Variants in HERC5 observed in about 807,000 individuals in gnomAD.
HERC5 encodes HECT and RLD domain containing E3 ubiquitin protein ligase 5.
In HERC5, 99 loss-of-function variants were observed where a neutral mutation model predicts 119.6. That is an observed-to-expected ratio of 0.83 (90% confidence interval 0.70 to 0.98). The LOEUF is 0.98. Ranked by LOEUF, HERC5 falls within the 50% of genes least tolerant of loss-of-function variation. HERC5 has a pLI of 0.00. For missense variants in HERC5, 1,267 were observed against 1,241.3 expected (o/e 1.02, Z -0.31); for synonymous variants, 478 against 445.9 (o/e 1.07, Z -0.91).
chr4:88,487,965 A>T (rs1037996354), intron 15 of HERC5, among the ~76,000 whole-genome samples: 1 of 152,230 alleles, frequency 6.6e-6, no homozygotes, highest in African/African-American at 2.4e-5. Flanking sequence ...ATATGTATGT[A>T]TAATATTCAA....
chr4:88,467,527 T>C (rs2149090313), intron 7 of HERC5, among the ~76,000 whole-genome samples: 1 of 152,370 alleles, frequency 6.6e-6, no homozygotes, highest in Non-Finnish European at 1.5e-5. Context: ...CTAATTCTTG[T>C]AATTGGCTGG....
chr4:88,464,017 A>G (rs917104045), intron 6 of HERC5, 32 bp downstream of exon 6: 3 of 1,579,878 alleles, frequency 1.9e-6, no homozygotes, highest in Admixed American at 3.5e-5. Context: ...AGAATTGATA[A>G]AATGAGTGCA....
chr4:88,459,753 G>A (rs1484606551), intron 2 of HERC5, among the ~76,000 whole-genome samples: 2 of 151,820 alleles, frequency 1.3e-5, no homozygotes, highest in Admixed American at 6.6e-5. Context: ...TTAAATTTCT[G>A]GAAATAAAAG....
Position 88,479,355 on chromosome 4 carries a change from G to C in HERC5, c.1585G>C (p.Glu529Gln). The change falls in exon 13 of 23, where the codon GAG (glutamate) becomes CAG (glutamine). Residue 529 changes from glutamate to glutamine, a missense_variant and splice_region_variant. Physicochemically the swap from Glu to Gln is conservative, Grantham distance 29. This residue lies in a region of HERC5 where 777 missense variants were observed against 758.0 expected (regional missense o/e 1.03). Coordinates refer to ENST00000264350, the MANE Select transcript of HERC5 (RefSeq NM_016323.4). ...MSDQSSLVLE[E>Q]YWATLQESTF... is the part of the protein sequence containing the mutation. ...TTTGCTTTCCTTGTGTTCCTCAGAA[G>C]AGTATTGGGCAACTCTGCAAGAATC... is the stretch of plus-strand genomic sequence containing the variant. 2 of 1,574,900 alleles carry C rather than the reference G, an allele frequency of 1.3e-6. No individual in the cohort carries two copies. Among genetic ancestry groups the C allele is most frequent in the Non-Finnish European group, 8.6e-7 (1 of 1,166,818 alleles).
At chr4:88,493,661 C>T (rs1259155002) in intron 17 of HERC5, among the ~76,000 whole-genome samples, 3 of 152,024 alleles carry the variant, frequency 2.0e-5, no homozygotes, top group African/African-American at 7.2e-5. Context: ...GGCTGGAGTA[C>T]AGTGCCATGA....
intron 11 of HERC5, among the ~76,000 whole-genome samples, chr4:88,474,990 TC>T (rs759258899): frequency 6.6e-6 from 1 of 152,134 alleles, no homozygotes; most frequent in Non-Finnish European, 1.5e-5. Flanking sequence ...ACAGTTGCAT[TC>T]TGAATTGGGG....
intron 7 of HERC5, among the ~76,000 whole-genome samples, chr4:88,467,509 G>A (rs1448878259): frequency 6.6e-6 from 1 of 152,192 alleles, no homozygotes; most frequent in Non-Finnish European, 1.5e-5. Context: ...CTTGTAATTA[G>A]TTGTTTACTA....
intron 13 of HERC5, among the ~76,000 whole-genome samples, 166 bp downstream of exon 13, chr4:88,479,673 A>G (rs1405364801): frequency 2.0e-5 from 3 of 152,008 alleles, no homozygotes; most frequent in Non-Finnish European, 4.4e-5. Flanking sequence ...AGGAATATAT[A>G]TATAATACCT....
In HERC5 at chr4:88,486,173, A is replaced by T. The variant is rs1741457085; in HGVS notation, c.1796A>T (p.His599Leu). 7 of 1,612,832 alleles carry T rather than the reference A, an allele frequency of 4.3e-6. No homozygotes were observed. The highest frequency in any genetic ancestry group is 5.9e-6 in the Non-Finnish European group (7 of 1,179,228). ...ESIFQVDELL[H>L]RLNFFVEVCR... ...ATTTTCCAAGTAGACGAACTCTTGCACCGTCTCAATTTTTTTGTAGAAGTA... is the reference window on the plus strand; with the variant it reads ...ATTTTCCAAGTAGACGAACTCTTGCTCCGTCTCAATTTTTTTGTAGAAGTA... The change falls in exon 14 of 23, where the codon CAC becomes CTC. Residue 599 changes from histidine to leucine, a missense_variant. Physicochemically the swap from His to Leu is moderately conservative, Grantham distance 99. Transcript: ENST00000264350.
intron 6 of HERC5, among the ~76,000 whole-genome samples, chr4:88,464,892 TCCGG>T (rs1740600252): frequency 6.6e-6 from 1 of 152,214 alleles, no homozygotes; most frequent in Admixed American, 6.5e-5. Flanking sequence ...TGCCTCAGCC[TCCGG>T]AGTAGCTGGG....
Position 88,467,128 on chromosome 4 carries a change from A to G in HERC5, c.981A>G (p.Gln327=), listed in dbSNP as rs1560600401. ...CCTTTGGTTCTGGAAAAGATGGACA[A>G]CTGGGAAATGGTGGAACACGTGACC... is the stretch of plus-strand genomic sequence containing the variant. The part of the protein sequence containing the change: ...VFSFGSGKDG[Q]LGNGGTRDQL... The change falls in exon 7 of 23, where the codon CAA becomes CAG. Residue 327 remains glutamine (Q), a synonymous_variant. Coordinates refer to ENST00000264350, the MANE Select transcript of HERC5 (RefSeq NM_016323.4). 1 of 1,614,200 alleles carries G rather than the reference A, an allele frequency of 6.2e-7. No homozygotes were observed. Among genetic ancestry groups the G allele is most frequent in the East Asian group, 2.2e-5 (1 of 44,884 alleles).
Position 88,467,081 on chromosome 4 carries a change from TCTG to T in HERC5, c.935_937del (p.Ser312_Asp313delinsTyr). 1 of 1,614,196 alleles carries T rather than the reference TCTG, an allele frequency of 6.2e-7. No individual in the cohort carries two copies. The highest frequency in any genetic ancestry group is 8.5e-7 in the Non-Finnish European group (1 of 1,180,000). On this transcript the variant is annotated inframe_deletion, in exon 7 of 23. Coordinates refer to ENST00000264350, the MANE Select transcript of HERC5 (RefSeq NM_016323.4). ...TAGGTGGCACACACTTGCCTATGTT[TCTG>T]ATTTGGGAAAGGTCTTTTCCTTTGG... is the stretch of plus-strand genomic sequence containing the variant.
At chr4:88,488,772 ACTT>A (rs1431052994) in intron 15 of HERC5, among the ~76,000 whole-genome samples, 1 of 152,032 alleles carries the variant, frequency 6.6e-6, no homozygotes, top group East Asian at 1.9e-4. Flanking sequence ...AAACATCTGA[ACTT>A]CTCTTCGGAA....
intron 13 of HERC5, among the ~76,000 whole-genome samples, chr4:88,481,966 G>A (rs904901854): frequency 2.6e-5 from 4 of 152,118 alleles, no homozygotes; most frequent in African/African-American, 9.7e-5. Flanking sequence ...TGACAGGGAG[G>A]GCCAGGTTTG....
chr4:88,467,957 T>C (rs1426328512), intron 7 of HERC5: 12 of 803,830 alleles, frequency 1.5e-5, no homozygotes, highest in Non-Finnish European at 1.8e-5. Context: ...TGATTCCTTA[T>C]AACAGTTACA....
At chr4:88,484,113 T>C (rs546252634) in intron 13 of HERC5, among the ~76,000 whole-genome samples, 1 of 152,222 alleles carries the variant, frequency 6.6e-6, no homozygotes, top group Non-Finnish European at 1.5e-5. Flanking sequence ...TAATACTACC[T>C]TTTAAGTTTT....
intron 12 of HERC5, among the ~76,000 whole-genome samples, chr4:88,477,660 G>A (rs1741131733): frequency 1.3e-5 from 2 of 151,990 alleles, no homozygotes; most frequent in South Asian, 4.2e-4. Flanking sequence ...CAGTTGTCTT[G>A]TAGACTGTCC....
Position 88,505,862 on chromosome 4 carries a change from A to T in HERC5, c.3059A>T (p.Asn1020Ile). The change falls in exon 23 of 23, where the codon AAC (asparagine) becomes ATC (isoleucine). Residue 1020 changes from asparagine (N) to isoleucine (I), a missense_variant. Transcript: ENST00000264350. ...GCGCTTCAAGAAGCCATCAACAACAACAGAGGATTTGGCTGACCAGCTTGC... is the reference window on the plus strand; with the variant it reads ...GCGCTTCAAGAAGCCATCAACAACATCAGAGGATTTGGCTGACCAGCTTGC... Reference protein sequence around the residue: ...EEALQEAINNNRGFG With the variant: ...EEALQEAINNIRGFG The T allele has an allele frequency of 6.2e-7, 1 of 1,610,972 alleles. No homozygotes were observed. Among genetic ancestry groups the T allele is most frequent in the South Asian group, 1.1e-5 (1 of 90,400 alleles).
chr4:88,490,625 C>T (rs1438224822), intron 16 of HERC5, among the ~76,000 whole-genome samples: 1 of 152,110 alleles, frequency 6.6e-6, no homozygotes, highest in Non-Finnish European at 1.5e-5. Context: ...GGGCAGATCA[C>T]CTGAGGTCAG....
Sources: gnomAD v4.1 joint callset for allele counts (sites outside exome capture counted in the v4.1 genomes callset) on GRCh38, gnomAD v4.1.1 for gene constraint, gnomAD v4.1.1 regional missense constraint, MANE v1.5 for transcripts, NCBI Gene and HGNC (gene_info 2026-07-23, HGNC 2026-07-21) for gene names.